Variants in PTK6 observed in about 807,000 individuals in gnomAD.
The protein encoded by PTK6 is protein-tyrosine kinase 6.
PTK6 carries 47 observed loss-of-function variants against 47.5 expected under a neutral mutation model. The ratio of observed to expected loss-of-function variants is 0.99; its 90% CI spans 0.78 to 1.26. The LOEUF (loss-of-function observed/expected upper bound fraction) is 1.26. Ranked by LOEUF, PTK6 falls within the 50% of genes most tolerant of loss-of-function variation. The pLI, the probability that PTK6 is intolerant of heterozygous loss-of-function variation, is 0.00. For synonymous variants in PTK6, 287 were observed against 276.5 expected (o/e 1.04, Z -0.38); for missense variants, 618 against 625.3 (o/e 0.99, Z 0.12).
intron 5 of PTK6, among the ~76,000 whole-genome samples, chr20:63,532,123 CT>C (rs2082626073): frequency 7.0e-6 from 1 of 142,928 alleles, no homozygotes; most frequent in Non-Finnish European, 1.5e-5. Context: ...CCAATGTGAT[CT>C]GTGTGTGTCT....
rs1412729899 is a variant in PTK6 at position 63,533,397 on chromosome 20, G to A, written c.670+154C>T. Among the ~76,000 whole-genome samples the A allele has an allele frequency of 1.3e-5, 2 of 152,116 alleles. No individual in the cohort carries two copies. Among genetic ancestry groups the A allele is most frequent in the African/African-American group, 2.4e-5 (1 of 41,424 alleles). ...TTTCTTTTATAATAAATGTATTTAG[G>A]TAAAAACATAGGTGCAATTGAAAGG... On this transcript the variant is annotated intron_variant, in intron 4 of 7. Coordinates refer to ENST00000542869, the MANE Select transcript of PTK6 (RefSeq NM_005975.4). The surrounding 1 kb of genome is among the most constrained non-coding windows in gnomAD (Gnocchi z 4.0).
At position 63,529,644 on chromosome 20, in the gene PTK6, C is replaced by T; in HGVS notation, c.1248G>A (p.Val416=). 6.5e-7 allele frequency: 1 copy of T among 1,548,640 alleles called. No individual in the cohort carries two copies. Among genetic ancestry groups the T allele is most frequent in the Non-Finnish European group, 8.7e-7 (1 of 1,146,640 alleles). Residue 416 remains valine, a synonymous_variant, in exon 8 of 8, where the codon GTG becomes GTA. Coordinates refer to ENST00000542869, the MANE Select transcript of PTK6 (RefSeq NM_005975.4). The surrounding 1 kb of genome is among the most constrained non-coding windows in gnomAD (Gnocchi z 5.6). ...ACCAGCATGTCAGCATCAGCTTGTG[C>T]ACGCTGGGCGGGCACTCCAGAGGGC... ...MPCPLECPPS[V]HKLMLTCWCR...
Position 63,530,116 on chromosome 20 carries a change from A to C in PTK6, c.1130T>G (p.Leu377Arg), listed in dbSNP as rs760799474. The stretch of plus-strand genomic sequence containing the variant: ...CTGACCCCTGCTGAACATCTCATGC[A>C]GGAGAATCCCAAAGGACCAGACGTC... ...KSDVWSFGIL[L>R]HEMFSRGQVP... Residue 377 changes from leucine to arginine, a missense_variant, in exon 7 of 8, where the codon CTG (leucine) becomes CGG (arginine). Coordinates refer to ENST00000542869, the MANE Select transcript of PTK6 (RefSeq NM_005975.4). This position sits in a 1 kb window ranked among gnomAD's most constrained non-coding sequence, Gnocchi z 4.1. The C allele has an allele frequency of 8.7e-6, 14 of 1,614,118 alleles. No individual in the cohort carries two copies. The South Asian group carries it at 1.5e-4, about 18-fold the overall frequency.
intron 4 of PTK6, 51 bp from the exon 5 acceptor site, chr20:63,532,738 C>T: frequency 6.3e-7 from 1 of 1,592,214 alleles, no homozygotes; most frequent in Non-Finnish European, 8.5e-7. Context: ...CCCCAGGCCC[C>T]AAGGAAGAGG....
rs1236159229 is a variant in PTK6 at position 63,534,299 on chromosome 20, A to G, written c.369T>C (p.Ala123=). ...GCCGCCAGATCTTGTAGTGCCGCAC[A>G]GCCTGCGTGTCCCGCACTGGGAGGG... ...DYVLSVRDTQ[A]VRHYKIWRRA... Residue 123 remains alanine (A), a synonymous_variant, in exon 3 of 8, where the codon GCT becomes GCC. Coordinates refer to ENST00000542869, the MANE Select transcript of PTK6 (RefSeq NM_005975.4). The G allele has an allele frequency of 6.2e-7, 1 of 1,605,892 alleles. No homozygotes were observed. Among genetic ancestry groups the G allele is most frequent in the East Asian group, 2.2e-5 (1 of 44,746 alleles).
In PTK6 at chr20:63,533,370, A is replaced by C. The variant is rs2082640356; in HGVS notation, c.670+181T>G. On this transcript the variant is annotated intron_variant, in intron 4 of 7. Transcript: ENST00000542869. This position sits in a 1 kb window ranked among gnomAD's most constrained non-coding sequence, Gnocchi z 4.0. Reference sequence around the variant, plus strand: ...TGTGAGCCACCGTGCCCGGCCTAAAATTTTCTTTTATAATAAATGTATTTA... The same window carrying C: ...TGTGAGCCACCGTGCCCGGCCTAAACTTTTCTTTTATAATAAATGTATTTA... Among the ~76,000 whole-genome samples the C allele has an allele frequency of 6.6e-6, 1 of 152,012 alleles. No individual in the cohort carries two copies. The highest frequency in any genetic ancestry group is 2.1e-4 in the South Asian group (1 of 4,816).
At chr20:63,532,401 ATG>A (rs1180712038) in intron 5 of PTK6, 123 bp downstream of exon 5, 3 of 1,219,432 alleles carry the variant, frequency 2.5e-6, no homozygotes, top group Non-Finnish European at 2.2e-6. Context: ...CTGTGTGTGC[ATG>A]TGTGTGTCTG....
rs2082589142 is a variant in PTK6 at position 63,528,124 on chromosome 20, T to C, written c.*1412A>G. 6.6e-6 allele frequency: 1 copy of C among 152,230 alleles called. No individual in the cohort carries two copies. The highest frequency in any genetic ancestry group is 1.5e-5 in the Non-Finnish European group (1 of 68,056). 9.4% of individuals were successfully genotyped at this position (152,230 alleles called of 1,614,324 possible). A position where few individuals can be genotyped will look rare whatever the true frequency, so the allele number is the denominator to read the frequency against. The stretch of plus-strand genomic sequence containing the variant: ...ATGACTGATAACATTGCACCAGATT[T>C]CTAGGAATAGCATGTGAGATAGGAT... On this transcript the variant is annotated 3_prime_UTR_variant, in exon 8 of 8. Coordinates refer to ENST00000542869, the MANE Select transcript of PTK6 (RefSeq NM_005975.4).
chr20:63,532,609 A>G lies in PTK6; in HGVS notation c.749T>C (p.Leu250Pro). The G allele has an allele frequency of 6.2e-7, 1 of 1,614,104 alleles. No individual in the cohort carries two copies. Among genetic ancestry groups the G allele is most frequent in the South Asian group, 1.1e-5 (1 of 91,092 alleles). The change falls in exon 5 of 8, where the codon CTG becomes CCG. Residue 250 changes from leucine to proline, a missense_variant. By Grantham distance (98) the Leu-to-Pro change is moderately conservative (BLOSUM62 -3). Transcript: ENST00000542869. ...KKLRHKHILALYAVVSVGDPV... is the reference protein window; with the variant it reads ...KKLRHKHILAPYAVVSVGDPV... ...GTCCCCCACGGACACCACGGCGTAC[A>G]GCGCCAGGATGTGTTTGTGCCGCAG...
chr20:63,529,573 C>T lies in PTK6; in HGVS notation c.1319G>A (p.Arg440Lys), dbSNP rs865792103. ...QRPCFKALRERLSSFTSYENP... is the reference protein window; with the variant it reads ...QRPCFKALREKLSSFTSYENP... ...CTCGTAGCTGGTGAAGCTGGAGAGC[C>T]TCTCCCGCAGGGCCTTGAAGCAGGG... Residue 440 changes from arginine to lysine, a missense_variant, in exon 8 of 8, where the codon AGG (arginine) becomes AAG (lysine). Arg to Lys is a conservative substitution (Grantham distance 26). Coordinates refer to ENST00000542869, the MANE Select transcript of PTK6 (RefSeq NM_005975.4). This position sits in a 1 kb window ranked among gnomAD's most constrained non-coding sequence, Gnocchi z 5.6. 2 of 1,575,656 alleles carry T rather than the reference C, an allele frequency of 1.3e-6. No individual in the cohort carries two copies. Among genetic ancestry groups the T allele is most frequent in the Admixed American group, 3.7e-5 (2 of 54,788 alleles).
In PTK6 at chr20:63,529,683, GC is replaced by G; in HGVS notation, c.1208del (p.Gly403AlafsTer17). On this transcript the variant is annotated frameshift_variant, in exon 8 of 8. Transcript: ENST00000542869. LOFTEE classifies it low-confidence loss of function (END_TRUNC). The surrounding 1 kb of genome is among the most constrained non-coding windows in gnomAD (Gnocchi z 5.6). ...NHEAFLRVDA[G>X]YRMPCPLECP... The stretch of plus-strand genomic sequence containing the variant: ...ACTCCAGAGGGCAGGGCATGCGGTA[GC>G]CGGCGTCCACCCTCAGGAAGGCCTC... 5.2e-6 allele frequency: 8 copies of G among 1,546,424 alleles called. No individual in the cohort carries two copies. The highest frequency in any genetic ancestry group is 7.0e-6 in the Non-Finnish European group (8 of 1,145,718).
rs2082641959 is a variant in PTK6 at position 63,533,581 on chromosome 20, C to G, written c.640G>C (p.Val214Leu). The G allele has an allele frequency of 6.2e-7, 1 of 1,612,950 alleles. No individual in the cohort carries two copies. The highest frequency in any genetic ancestry group is 8.5e-7 in the Non-Finnish European group (1 of 1,179,560). ...GAAATCACCTTAATGGCCACCTGGA[C>G]CCGGTCTTTCCAGAGCCCCTCGAAG... ...EVFEGLWKDR[V>L]QVAIKVISRD... Residue 214 changes from valine (V) to leucine (L), a missense_variant, in exon 4 of 8, where the codon GTC becomes CTC. Val to Leu is a conservative substitution (Grantham distance 32, BLOSUM62 1). Coordinates refer to ENST00000542869, the MANE Select transcript of PTK6 (RefSeq NM_005975.4). The surrounding 1 kb of genome is among the most constrained non-coding windows in gnomAD (Gnocchi z 4.0).
intron 2 of PTK6, among the ~76,000 whole-genome samples, chr20:63,534,551 G>A (rs2082649557): frequency 6.6e-6 from 1 of 152,206 alleles, no homozygotes; most frequent in Non-Finnish European, 1.5e-5. Context: ...CCTCCGCCTG[G>A]ATGGCAGCTG....
At chr20:63,534,003 T>G (rs1569012341) in intron 3 of PTK6, 149 bp downstream of exon 3, 1 of 1,218,052 alleles carries the variant, frequency 8.2e-7, no homozygotes, top group Non-Finnish European at 1.1e-6. Context: ...ACCTGTGCTC[T>G]GCAGAACCAT....
In PTK6 at chr20:63,529,391, A is replaced by G; in HGVS notation, c.*145T>C. 1.1e-6 allele frequency: 1 copy of G among 901,956 alleles called. No homozygotes were observed. The highest frequency in any genetic ancestry group is 1.6e-6 in the Non-Finnish European group (1 of 624,828). The allele number at this position is 901,956 out of a possible 1,614,324, so 55.9% of individuals were successfully genotyped here. A position where few individuals can be genotyped will look rare whatever the true frequency, so the allele number is the denominator to read the frequency against. The stretch of plus-strand genomic sequence containing the variant: ...GGAGAGGAGCACACGCGTGTATTGG[A>G]CGCAGACACTCCACATTTGTGAACC... On this transcript the variant is annotated 3_prime_UTR_variant, in exon 8 of 8. Transcript: ENST00000542869. This position sits in a 1 kb window ranked among gnomAD's most constrained non-coding sequence, Gnocchi z 5.6.
chr20:63,534,395 C>CG, intron 2 of PTK6, 80 bp from the exon 3 acceptor site: 1 of 1,463,310 alleles, frequency 6.8e-7, no homozygotes, highest in Non-Finnish European at 9.0e-7. Context: ...GCCACACCTG[C>CG]GCAGAGTTTC....
In PTK6 at chr20:63,533,073, T is replaced by C. The variant is rs201680323; in HGVS notation, c.671-386A>G. 3.3e-5 allele frequency among the ~76,000 whole-genome samples: 5 copies of C among 149,612 alleles called. No individual in the cohort carries two copies. The East Asian group carries it at 9.7e-4, about 29-fold the overall frequency. The stretch of plus-strand genomic sequence containing the variant: ...TTTAAATTTTCTTTCTTTCTTTCTT[T>C]TTTTTTTTTCCCAAGACGGGGTCTT... On this transcript the variant is annotated intron_variant, in intron 4 of 7. Coordinates refer to ENST00000542869, the MANE Select transcript of PTK6 (RefSeq NM_005975.4). This position sits in a 1 kb window ranked among gnomAD's most constrained non-coding sequence, Gnocchi z 4.0.
intron 1 of PTK6, among the ~76,000 whole-genome samples, 161 bp from the exon 2 acceptor site, chr20:63,535,220 C>T (rs7263639): frequency 0.01 from 1,588 of 152,246 alleles, 25 homozygotes; most frequent in African/African-American, 0.036. Flanking sequence ...CTGACCCAGA[C>T]GCCCTGAATG....
chr20:63,536,980 G>C (rs1298171312), intron 1 of PTK6, 105 bp downstream of exon 1: 2 of 1,242,976 alleles, frequency 1.6e-6, no homozygotes, highest in Non-Finnish European at 2.2e-6. Context: ...GATGGAACCG[G>C]GGTCCCCACC....
Sources: gnomAD v4.1 joint callset for allele counts (sites outside exome capture counted in the v4.1 genomes callset) on GRCh38, gnomAD v4.1.1 for gene constraint, Gnocchi (gnomAD v3.1) non-coding constraint, MANE v1.5 for transcripts, NCBI Gene and HGNC (gene_info 2026-07-23, HGNC 2026-07-21) for gene names.